Variants in PTDSS1 observed in about 807,000 individuals in gnomAD.
PTDSS1 encodes PSS-1.
In PTDSS1, 45 loss-of-function variants were observed where a neutral mutation model predicts 70.5. The ratio of observed to expected loss-of-function variants is 0.64; its 90% CI spans 0.50 to 0.82. PTDSS1 has a LOEUF of 0.82. Ranked by LOEUF, PTDSS1 falls within the 40% of genes least tolerant of loss-of-function variation. The pLI, the probability that PTDSS1 is intolerant of heterozygous loss-of-function variation, is 0.00. For synonymous variants in PTDSS1, 188 were observed against 203.8 expected (o/e 0.92, Z 0.66); for missense variants, 417 against 586.1 (o/e 0.71, Z 2.98).
chr8:96,328,812 C>G (rs1811474328), intron 10 of PTDSS1, among the ~76,000 whole-genome samples: 1 of 152,232 alleles, frequency 6.6e-6, no homozygotes, highest in African/African-American at 2.4e-5. Flanking sequence ...CGCCCTACCA[C>G]CAGACTGTGG....
rs970889178 is a variant in PTDSS1 at position 96,331,074 on chromosome 8, C to T, written c.1291C>T (p.His431Tyr). ...CACCTACAGTCCAGAGATCTCCTGG[C>T]ATCACAGGAAAGGGACAAAAGGTAT... ...DGTYSPEISW[H>Y]HRKGTKGSED... The change falls in exon 12 of 13, where the codon CAT becomes TAT. Residue 431 changes from histidine (H) to tyrosine (Y), a missense_variant. By Grantham distance (83) the His-to-Tyr change is moderately conservative. This residue lies in a region of PTDSS1 where 107 missense variants were observed against 122.3 expected (regional missense o/e 0.88). Coordinates refer to ENST00000517309, the MANE Select transcript of PTDSS1 (RefSeq NM_014754.3). The T allele has an allele frequency of 1.2e-6, 2 of 1,611,872 alleles. No homozygotes were observed. Among genetic ancestry groups the T allele is most frequent in the Admixed American group, 1.7e-5 (1 of 59,832 alleles).
chr8:96,312,264 A>G (rs917771954), intron 9 of PTDSS1, among the ~76,000 whole-genome samples: 2 of 152,156 alleles, frequency 1.3e-5, no homozygotes, highest in Non-Finnish European at 2.9e-5. Context: ...TAGCCTGGGT[A>G]ACATAGCGAG....
chr8:96,331,906 C>G (rs866423475), intron 12 of PTDSS1, among the ~76,000 whole-genome samples: 5 of 150,976 alleles, frequency 3.3e-5, no homozygotes, highest in African/African-American at 1.2e-4. Flanking sequence ...AAAAATTAGC[C>G]AGATGTGGTG....
intron 5 of PTDSS1, among the ~76,000 whole-genome samples, chr8:96,296,516 G>A (rs893625171): frequency 2.0e-5 from 3 of 152,134 alleles, no homozygotes; most frequent in Admixed American, 2.0e-4. Flanking sequence ...GCAGCTCACT[G>A]TACTGCCTAT....
At chr8:96,290,877 TA>T (rs1333776504) in intron 4 of PTDSS1, among the ~76,000 whole-genome samples, 2 of 147,740 alleles carry the variant, frequency 1.4e-5, no homozygotes, top group Admixed American at 6.8e-5. Context: ...TAAATATTCA[TA>T]AAATATATAT....
intron 3 of PTDSS1, among the ~76,000 whole-genome samples, chr8:96,286,789 CTAAG>C (rs1226723763): frequency 6.6e-6 from 1 of 152,196 alleles, no homozygotes; most frequent in Non-Finnish European, 1.5e-5. Flanking sequence ...AAGTCTCAGT[CTAAG>C]TTAGCATCAG....
At chr8:96,267,745 A>C (rs1173497236) in intron 1 of PTDSS1, among the ~76,000 whole-genome samples, 1 of 152,096 alleles carries the variant, frequency 6.6e-6, no homozygotes, top group African/African-American at 2.4e-5. Context: ...TTTGTAATGG[A>C]GTAAGTCTAC....
rs1811493668 is a variant in PTDSS1, at chr8:96,330,204, C to G, written c.1174-9C>G. ...TTTTTGTGCAGCATCATTTGTTTTTCTCTTCCAGGCTTTCACCACTTTCCT... is the reference window on the plus strand; with the variant it reads ...TTTTTGTGCAGCATCATTTGTTTTTGTCTTCCAGGCTTTCACCACTTTCCT... On this transcript the variant is annotated splice_polypyrimidine_tract_variant and intron_variant, in intron 10 of 12. Coordinates refer to ENST00000517309, the MANE Select transcript of PTDSS1 (RefSeq NM_014754.3). 1.2e-6 allele frequency: 2 copies of G among 1,609,336 alleles called. No individual in the cohort carries two copies. The highest frequency in any genetic ancestry group is 3.3e-5 in the Admixed American group (2 of 59,972).
In PTDSS1 at chr8:96,333,447, C is replaced by G; in HGVS notation, c.1313-10C>G. On this transcript the variant is annotated splice_polypyrimidine_tract_variant and intron_variant, in intron 12 of 12. Transcript: ENST00000517309. ...CCAGGGTGACGGTGTGCTCTGATTC[C>G]TTTGGCCAGGTTCTGAAGACAGCCC... 6.2e-7 allele frequency: 1 copy of G among 1,605,664 alleles called. No individual in the cohort carries two copies. Among genetic ancestry groups the G allele is most frequent in the Non-Finnish European group, 8.5e-7 (1 of 1,172,302 alleles).
intron 8 of PTDSS1, among the ~76,000 whole-genome samples, chr8:96,307,313 ATTGT>A (rs1385140795): frequency 6.6e-6 from 1 of 152,102 alleles, no homozygotes; most frequent in Non-Finnish European, 1.5e-5. Context: ...AAGCTGTAAG[ATTGT>A]TTATTTCATT....
intron 7 of PTDSS1, among the ~76,000 whole-genome samples, chr8:96,306,194 C>A (rs922425683): frequency 2.6e-5 from 4 of 152,168 alleles, no homozygotes; most frequent in African/African-American, 9.7e-5. Flanking sequence ...TGACAAATAG[C>A]TGATAATCCT....
intron 2 of PTDSS1, among the ~76,000 whole-genome samples, chr8:96,278,183 C>T (rs574084096): frequency 6.6e-6 from 1 of 152,336 alleles, no homozygotes; most frequent in African/African-American, 2.4e-5. Flanking sequence ...TAGCAATCCT[C>T]CAGCACACTT....
intron 12 of PTDSS1, among the ~76,000 whole-genome samples, chr8:96,333,165 T>A (rs113625400): frequency 2.0e-5 from 3 of 152,344 alleles, no homozygotes; most frequent in African/African-American, 7.2e-5. Flanking sequence ...CTCTCACTTC[T>A]GGTCCTCACC....
chr8:96,295,039 C>T, intron 4 of PTDSS1, 59 bp from the exon 5 acceptor site: 2 of 1,486,670 alleles, frequency 1.3e-6, no homozygotes, highest in Non-Finnish European at 1.8e-6. Context: ...CCGGCAGAAT[C>T]CTGGAAGCAA....
intron 8 of PTDSS1, among the ~76,000 whole-genome samples, chr8:96,307,005 A>G (rs1482179169): frequency 1.3e-5 from 2 of 152,156 alleles, no homozygotes; most frequent in Admixed American, 6.5e-5. Flanking sequence ...ATTTCCTTTT[A>G]AAAAGGCCCT....
chr8:96,319,352 A>G (rs1811342361), intron 9 of PTDSS1, among the ~76,000 whole-genome samples: 1 of 152,158 alleles, frequency 6.6e-6, no homozygotes, highest in African/African-American at 2.4e-5. Context: ...ATGGCCAACT[A>G]TGTCAACCTC....
At chr8:96,330,140 G>A in intron 10 of PTDSS1, 73 bp from the exon 11 acceptor site, 2 of 1,398,358 alleles carry the variant, frequency 1.4e-6, no homozygotes, top group Non-Finnish European at 1.0e-6. Context: ...GTCCTGCATT[G>A]ATTCCCACTG....
At chr8:96,293,930 G>C (rs1810941475) in intron 4 of PTDSS1, among the ~76,000 whole-genome samples, 1 of 152,184 alleles carries the variant, frequency 6.6e-6, no homozygotes, top group African/African-American at 2.4e-5. Flanking sequence ...CTGTCAGCCT[G>C]TGATTCTCTG....
intron 8 of PTDSS1, among the ~76,000 whole-genome samples, chr8:96,308,992 A>G (rs1452425796): frequency 6.6e-6 from 1 of 151,876 alleles, no homozygotes; most frequent in African/African-American, 2.4e-5. Context: ...AAATCTGTAT[A>G]TTTTTTGCCT....
Sources: gnomAD v4.1 joint callset for allele counts (sites outside exome capture counted in the v4.1 genomes callset) on GRCh38, gnomAD v4.1.1 for gene constraint, gnomAD v4.1.1 regional missense constraint, MANE v1.5 for transcripts, NCBI Gene and HGNC (gene_info 2026-07-23, HGNC 2026-07-21) for gene names.